The following DYNC2H1 variants were observed in gnomAD, a reference collection of about 807,000 sequenced individuals.
DYNC2H1 encodes dynein cytoplasmic 2 heavy chain 1.
A neutral mutation model predicts 570.0 loss-of-function variants in DYNC2H1; 410 were observed. That is an observed-to-expected ratio of 0.72 (90% CI 0.66 to 0.78). The LOEUF (loss-of-function observed/expected upper bound fraction) is 0.78. Ranked by LOEUF, DYNC2H1 falls within the 30% of genes least tolerant of loss-of-function variation. The pLI is 0.00. For missense variants in DYNC2H1, 4,865 were observed against 5,046.4 expected (o/e 0.96, Z 1.09); for synonymous variants, 1,688 against 1,677.6 (o/e 1.01, Z -0.15).
intron 81 of DYNC2H1, among the ~76,000 whole-genome samples, chr11:103,323,132 A>G (rs1460661258): frequency 1.3e-5 from 2 of 152,216 alleles, no homozygotes; most frequent in Non-Finnish European, 2.9e-5. Context: ...ATGCACGTGC[A>G]GTACTTGCCT....
At chr11:103,389,385 G>T (rs2514421) in intron 83 of DYNC2H1, among the ~76,000 whole-genome samples, 102,018 of 151,804 alleles carry the variant, frequency 0.67, 34,398 homozygotes, top group Admixed American at 0.73. Flanking sequence ...ATTTGATTCT[G>T]CTCTCTTTTC....
Position 103,135,588 on chromosome 11 carries a change from G to A in DYNC2H1, c.2299G>A (p.Ala767Thr), listed in dbSNP as rs1365809857. The A allele has an allele frequency of 3.1e-6, 5 of 1,613,198 alleles. No individual in the cohort carries two copies. Among genetic ancestry groups the A allele is most frequent in the African/African-American group, 1.3e-5 (1 of 74,918 alleles). ...GCATCAGTACCAGATGGGCTTAGAA[G>A]CACTTAATGAGAATTTGCCAGAAAT... is the stretch of plus-strand genomic sequence containing the variant. ...LEHQYQMGLE[A>T]LNENLPEINI... Residue 767 changes from alanine to threonine, a missense_variant, in exon 16 of 89, where the codon GCA becomes ACA. This residue lies in a region of DYNC2H1 where 1,936 missense variants were observed against 1,962.1 expected (regional missense o/e 0.99). Coordinates refer to ENST00000375735, the MANE Select transcript of DYNC2H1 (RefSeq NM_001377.3).
At chr11:103,344,445 T>C (rs1258308503) in intron 82 of DYNC2H1, among the ~76,000 whole-genome samples, 3 of 152,232 alleles carry the variant, frequency 2.0e-5, no homozygotes, top group Non-Finnish European at 2.9e-5. Flanking sequence ...CTTTGTCTTC[T>C]GATCTTCCTC....
At chr11:103,230,597 T>A (rs1863967979) in intron 59 of DYNC2H1, among the ~76,000 whole-genome samples, 1 of 152,204 alleles carries the variant, frequency 6.6e-6, no homozygotes, top group African/African-American at 2.4e-5. Context: ...AATAATCTTC[T>A]GTATTTAGCT....
chr11:103,466,724 C>T (rs1319809996), intron 87 of DYNC2H1, among the ~76,000 whole-genome samples: 2 of 152,148 alleles, frequency 1.3e-5, no homozygotes, highest in African/African-American at 4.8e-5. Flanking sequence ...ATTTCATGCT[C>T]ATCAGATTGA....
In DYNC2H1 at chr11:103,254,670, T is replaced by A. The variant is rs1158206246; in HGVS notation, c.10207-745T>A. Among the ~76,000 whole-genome samples, 2 of 152,200 alleles carry A rather than the reference T, an allele frequency of 1.3e-5. No individual in the cohort carries two copies. Among genetic ancestry groups the A allele is most frequent in the East Asian group, 3.8e-4 (2 of 5,200 alleles). ...CGCTTTTTTCCATATCCTTGCCAAC[T>A]CTGGTTGTTATGTATCTTTTTAATT... On this transcript the variant is annotated intron_variant, in intron 66 of 88. Coordinates refer to ENST00000375735, the MANE Select transcript of DYNC2H1 (RefSeq NM_001377.3). This position sits in a 1 kb window ranked among gnomAD's most constrained non-coding sequence, Gnocchi z 4.9.
At position 103,239,227 on chromosome 11, in the gene DYNC2H1, T is replaced by C. The variant is rs1020498433; in HGVS notation, c.9819+2688T>C. 1.3e-5 allele frequency among the ~76,000 whole-genome samples: 2 copies of C among 149,290 alleles called. No individual in the cohort carries two copies. Among genetic ancestry groups the C allele is most frequent in the African/African-American group, 4.9e-5 (2 of 41,204 alleles). ...TTTTAACCACTCAAAATTTCATAGA[T>C]TTTTTTTTCTTGCTGCCTTTTGGTA... On this transcript the variant is annotated intron_variant, in intron 63 of 88. Transcript: ENST00000375735. The surrounding 1 kb of genome is among the most constrained non-coding windows in gnomAD (Gnocchi z 4.3).
intron 84 of DYNC2H1, 84 bp downstream of exon 84, chr11:103,399,956 T>G: frequency 8.4e-7 from 1 of 1,190,168 alleles, no homozygotes; most frequent in Non-Finnish European, 1.2e-6. Flanking sequence ...AGGAATCATA[T>G]AGTTAATAGC....
In DYNC2H1 at chr11:103,163,758, G is replaced by C. The variant is rs1490910329; in HGVS notation, c.4611+611G>C. On this transcript the variant is annotated intron_variant, in intron 30 of 88. Transcript: ENST00000375735. The surrounding 1 kb of genome is among the most constrained non-coding windows in gnomAD (Gnocchi z 4.6). The stretch of plus-strand genomic sequence containing the variant: ...GTTGGGCCAGACTGTTACAGGTGTA[G>C]GTCATCAGGAACTTTAGTTCTTAGG... Among the ~76,000 whole-genome samples, 5 of 152,114 alleles carry C rather than the reference G, an allele frequency of 3.3e-5. No homozygotes were observed. The highest frequency in any genetic ancestry group is 1.2e-4 in the African/African-American group (5 of 41,434).
At chr11:103,342,461 T>C (rs930513032) in intron 82 of DYNC2H1, among the ~76,000 whole-genome samples, 1 of 151,018 alleles carries the variant, frequency 6.6e-6, no homozygotes, top group African/African-American at 2.4e-5. Context: ...GTTCTTTCAC[T>C]CTTCGCAATA....
intron 17 of DYNC2H1, among the ~76,000 whole-genome samples, chr11:103,136,374 C>T (rs191426183): frequency 2.7e-5 from 4 of 150,722 alleles, no homozygotes; most frequent in Non-Finnish European, 5.9e-5. Flanking sequence ...ATCCCTCCCC[C>T]CTCCCGCCAC....
At chr11:103,235,023 T>A (rs536933750) in intron 61 of DYNC2H1, among the ~76,000 whole-genome samples, 6 of 151,960 alleles carry the variant, frequency 3.9e-5, no homozygotes, top group South Asian at 2.1e-4. Context: ...TCATTTCTCA[T>A]CTGACTTTTT....
rs1865417266 is a variant in DYNC2H1, at chr11:103,264,069, A to G, written c.10695+4092A>G. 6.6e-6 allele frequency among the ~76,000 whole-genome samples: 1 copy of G among 152,216 alleles called. No individual in the cohort carries two copies. The highest frequency in any genetic ancestry group is 1.5e-5 in the Non-Finnish European group (1 of 68,038). ...ATACAAACTACCATCAGAGAATACT[A>G]TAAACACCTCTACGCAAATAAACTA... On this transcript the variant is annotated intron_variant, in intron 70 of 88. Coordinates refer to ENST00000375735, the MANE Select transcript of DYNC2H1 (RefSeq NM_001377.3). The surrounding 1 kb of genome is among the most constrained non-coding windows in gnomAD (Gnocchi z 4.8).
chr11:103,405,558 T>G (rs1431798239), intron 84 of DYNC2H1: 1 of 151,802 alleles, frequency 6.6e-6, no homozygotes, highest in Non-Finnish European at 1.5e-5. Flanking sequence ...TCCGGGGAAA[T>G]GCCATGTCAG....
chr11:103,350,840 C>T (rs888157943), intron 82 of DYNC2H1, among the ~76,000 whole-genome samples: 2 of 152,066 alleles, frequency 1.3e-5, no homozygotes, highest in African/African-American at 4.8e-5. Flanking sequence ...GGCCCCGAAC[C>T]CCTATGACCT....
At chr11:103,235,207 A>G (rs1445390703) in intron 61 of DYNC2H1, among the ~76,000 whole-genome samples, 1 of 151,916 alleles carries the variant, frequency 6.6e-6, no homozygotes, top group Non-Finnish European at 1.5e-5. Context: ...ACCTTTCACA[A>G]TCTGCCTTTA....
At chr11:103,430,063 T>G (rs646714) in intron 84 of DYNC2H1, among the ~76,000 whole-genome samples, 27,073 of 152,122 alleles carry the variant, frequency 0.18, 2,669 homozygotes, top group Admixed American at 0.26. Context: ...GCACTCCTAT[T>G]TGAGAAACAA....
intron 83 of DYNC2H1, among the ~76,000 whole-genome samples, chr11:103,392,110 G>C (rs1942180392): frequency 6.6e-6 from 1 of 152,232 alleles, no homozygotes; most frequent in Admixed American, 6.5e-5. Context: ...GGAGTCTACA[G>C]AGGCAGGCAG....
chr11:103,270,207 A>AAAT (rs1565448930), intron 70 of DYNC2H1, among the ~76,000 whole-genome samples: 25 of 141,582 alleles, frequency 1.8e-4, no homozygotes, highest in East Asian at 2.0e-4. Context: ...AAAAAAAAAA[A>AAAT]AATAATAATA....
Sources: allele counts gnomAD v4.1 joint callset (sites outside exome capture counted in the v4.1 genomes callset), GRCh38; gene constraint gnomAD v4.1.1; regional missense constraint gnomAD v4.1.1; non-coding constraint Gnocchi (gnomAD v3.1); transcripts MANE v1.5; gene names NCBI Gene and HGNC (gene_info 2026-07-23, HGNC 2026-07-21).